The following ATP9B variants were observed in gnomAD, a reference collection of about 807,000 sequenced individuals.
ATP9B encodes ATPase phospholipid transporting 9B.
A neutral mutation model predicts 146.1 loss-of-function variants in ATP9B; 110 were observed. That is an observed-to-expected ratio of 0.75 (90% CI 0.65 to 0.88). ATP9B has a LOEUF of 0.88. Ranked by LOEUF, ATP9B falls within the 40% of genes least tolerant of loss-of-function variation. ATP9B has a pLI of 0.00. For missense variants in ATP9B, 1,499 were observed against 1,496.4 expected (o/e 1.00, Z -0.03); for synonymous variants, 604 against 569.7 (o/e 1.06, Z -0.86).
At chr18:79,277,635 A>ACT (rs1451462675) in intron 13 of ATP9B, among the ~76,000 whole-genome samples, 1 of 152,196 alleles carries the variant, frequency 6.6e-6, no homozygotes, top group Non-Finnish European at 1.5e-5. Flanking sequence ...AAAAAGCTTT[A>ACT]CTACAGACTA....
chr18:79,329,085 C>T, intron 15 of ATP9B, 56 bp from the exon 16 acceptor site: 1 of 1,442,880 alleles, frequency 6.9e-7, no homozygotes, highest in African/African-American at 1.4e-5. Context: ...GCTGGCTCGC[C>T]TGCGTGCGGC....
At chr18:79,080,038 C>T (rs1599367950) in intron 1 of ATP9B, among the ~76,000 whole-genome samples, 2 of 151,748 alleles carry the variant, frequency 1.3e-5, no homozygotes, top group South Asian at 4.2e-4. Flanking sequence ...TATACTGTTA[C>T]TGTAGCCTTG....
At chr18:79,086,532 A>C (rs1050075261) in intron 1 of ATP9B, 1 of 149,220 alleles carries the variant, frequency 6.7e-6, no homozygotes, top group African/African-American at 2.5e-5. Flanking sequence ...TTTTACACCT[A>C]ATAGTATTAG....
At chr18:79,252,875 T>C (rs954756727) in intron 11 of ATP9B, among the ~76,000 whole-genome samples, 3 of 151,728 alleles carry the variant, frequency 2.0e-5, no homozygotes, top group Non-Finnish European at 4.4e-5. Flanking sequence ...CATACTGTCC[T>C]GTTCTTGGGA....
chr18:79,187,622 G>T (rs537417377), intron 8 of ATP9B, among the ~76,000 whole-genome samples: 1 of 152,172 alleles, frequency 6.6e-6, no homozygotes, highest in South Asian at 2.1e-4. Flanking sequence ...TTCCCGTTGA[G>T]TGTCTGATTC....
At chr18:79,248,909 T>C (rs2095995617) in intron 11 of ATP9B, among the ~76,000 whole-genome samples, 1 of 152,238 alleles carries the variant, frequency 6.6e-6, no homozygotes, top group Non-Finnish European at 1.5e-5. Context: ...CTTTGTTGAA[T>C]CATGGATAGG....
chr18:79,092,931 A>G (rs1599476909), intron 1 of ATP9B, among the ~76,000 whole-genome samples: 1 of 152,216 alleles, frequency 6.6e-6, no homozygotes, highest in East Asian at 1.9e-4. Context: ...AACCAATAGC[A>G]TAGTCATTAG....
At chr18:79,361,385 G>A (rs955904566) in intron 26 of ATP9B, 4 of 152,188 alleles carry the variant, frequency 2.6e-5, no homozygotes, top group Non-Finnish European at 1.5e-5. Flanking sequence ...TAAGTTCTGT[G>A]TTACTGGTGC....
intron 18 of ATP9B, 86 bp downstream of exon 18, chr18:79,336,797 A>G (rs1041713833): frequency 3.6e-6 from 5 of 1,389,664 alleles, no homozygotes; most frequent in Middle Eastern, 1.8e-4. Context: ...GTATGAAATT[A>G]GAGCTGGGAT....
rs146989253 is a variant in ATP9B, at chr18:79,141,349, T to C, written c.668-2453T>C. 1.7e-3 allele frequency among the ~76,000 whole-genome samples: 253 copies of C among 152,322 alleles called. 3 individuals carry two copies. The Middle Eastern group carries it at 0.017, about 10-fold the overall frequency. On this transcript the variant is annotated intron_variant, in intron 5 of 29. Coordinates refer to ENST00000426216, the MANE Select transcript of ATP9B (RefSeq NM_198531.5). ...GAGGCAATGAAACCTCTTTCCTTTA[T>C]AAATTACCCAGTTTTGGGTCTGTCT...
chr18:79,313,769 T>A lies in ATP9B; in HGVS notation c.1773+6535T>A, dbSNP rs192185863. On this transcript the variant is annotated intron_variant, in intron 15 of 29. Transcript: ENST00000426216. ...TGCTAACCTTACAGTTAAATTTTTT[T>A]ACTTGTCTAAAATGTCTTTCTACTT... 1.3e-4 allele frequency among the ~76,000 whole-genome samples: 20 copies of A among 152,354 alleles called. No individual in the cohort carries two copies. In the East Asian group the frequency reaches 3.7e-3, roughly 28 times the overall value.
intron 1 of ATP9B, among the ~76,000 whole-genome samples, chr18:79,081,616 G>A (rs531104038): frequency 9.4e-5 from 14 of 148,352 alleles, no homozygotes; most frequent in Non-Finnish European, 1.5e-4. Context: ...ATAGAGACAC[G>A]AAAAACCCTT....
chr18:79,086,455 A>AAAAAAC (rs2073840562), intron 1 of ATP9B: 2 of 150,054 alleles, frequency 1.3e-5, no homozygotes, highest in African/African-American at 4.9e-5. Context: ...AAAAAAAAAA[A>AAAAAAC]GATAAAATCT....
intron 7 of ATP9B, among the ~76,000 whole-genome samples, chr18:79,172,956 CT>C (rs2095102046): frequency 6.6e-6 from 1 of 152,280 alleles, no homozygotes; most frequent in African/African-American, 2.4e-5. Flanking sequence ...CTGACAAACT[CT>C]TTTCCAGAGT....
chr18:79,311,921 C>G (rs1026183570), intron 15 of ATP9B, among the ~76,000 whole-genome samples: 3 of 152,228 alleles, frequency 2.0e-5, no homozygotes, highest in African/African-American at 7.2e-5. Flanking sequence ...GTGAGAATCT[C>G]TGTCCCCGGT....
chr18:79,290,567 C>T (rs979195621), intron 13 of ATP9B, among the ~76,000 whole-genome samples: 2 of 152,236 alleles, frequency 1.3e-5, no homozygotes, highest in African/African-American at 4.8e-5. Context: ...TTGCTCTTCC[C>T]GAGTGAGGCA....
intron 11 of ATP9B, among the ~76,000 whole-genome samples, chr18:79,225,431 A>T (rs2095719012): frequency 6.6e-6 from 1 of 152,256 alleles, no homozygotes; most frequent in Non-Finnish European, 1.5e-5. Context: ...TAACTCCAAA[A>T]GATTAAGTAA....
chr18:79,168,250 A>G (rs768278222), intron 7 of ATP9B, among the ~76,000 whole-genome samples: 6 of 152,230 alleles, frequency 3.9e-5, no homozygotes, highest in Non-Finnish European at 8.8e-5. Flanking sequence ...GCGACTGCAG[A>G]GTCTGAGCAG....
chr18:79,350,074 C>G (rs1343055886), intron 25 of ATP9B, among the ~76,000 whole-genome samples: 2 of 152,202 alleles, frequency 1.3e-5, no homozygotes, highest in Non-Finnish European at 2.9e-5. Flanking sequence ...GGGCCAGACT[C>G]TGGCGGATTC....
Sources: allele counts gnomAD v4.1 joint callset (sites outside exome capture counted in the v4.1 genomes callset), GRCh38; gene constraint gnomAD v4.1.1; transcripts MANE v1.5; gene names NCBI Gene and HGNC (gene_info 2026-07-23, HGNC 2026-07-21).